Variants in TMEM163 observed in about 807,000 individuals in gnomAD.
TMEM163 encodes transmembrane protein 163.
TMEM163 carries 17 observed loss-of-function variants against 29.3 expected under a neutral mutation model. The observed-to-expected ratio is 0.58, with a 90% CI of 0.40 to 0.87. The LOEUF (loss-of-function observed/expected upper bound fraction) is 0.87, where lower values mean the gene tolerates loss of function less well. Among genes scored for constraint, TMEM163 ranks in the 40% least tolerant of loss-of-function variants. The probability of loss-of-function intolerance (pLI) is 0.00; values close to 1 mark genes in which losing one functional copy is unlikely to be tolerated. For missense variants in TMEM163, 303 were observed against 381.5 expected, an observed-to-expected ratio of 0.79 and a Z score of 1.71; for synonymous variants, 157 against 160.6, an observed-to-expected ratio of 0.98 and a Z score of 0.17.
At chr2:134,517,417 A>C (rs781428664) in intron 4 of TMEM163, among the ~76,000 whole-genome samples, 8 of 152,228 alleles carry the variant, frequency 5.3e-5, no homozygotes, top group Non-Finnish European at 7.3e-5. Flanking sequence ...TGAGCTACCC[A>C]GTGTTATGAA....
At chr2:134,499,770 A>G (rs1243207302) in intron 5 of TMEM163, among the ~76,000 whole-genome samples, 1 of 152,158 alleles carries the variant, frequency 6.6e-6, no homozygotes, top group East Asian at 1.9e-4. Flanking sequence ...CCCATGTAAA[A>G]CGCAGTTCTG....
chr2:134,642,998 A>G (rs1253113169), intron 2 of TMEM163, among the ~76,000 whole-genome samples: 3 of 152,148 alleles, frequency 2.0e-5, no homozygotes, highest in East Asian at 1.9e-4. Context: ...AAGCAGAGAA[A>G]TAATAAAGAG....
chr2:134,489,513 G>T (rs1294001164), intron 5 of TMEM163, among the ~76,000 whole-genome samples: 1 of 150,894 alleles, frequency 6.6e-6, no homozygotes, highest in African/African-American at 2.4e-5. Context: ...GGAGGCAGAG[G>T]TTACAGTGAG....
chr2:134,561,586 C>A (rs566608649), intron 2 of TMEM163, among the ~76,000 whole-genome samples: 1 of 152,136 alleles, frequency 6.6e-6, no homozygotes, highest in East Asian at 1.9e-4. Flanking sequence ...CCTGACCTCG[C>A]GATCCGCCTG....
intron 4 of TMEM163, among the ~76,000 whole-genome samples, chr2:134,547,833 C>A (rs1443082500): frequency 6.6e-6 from 1 of 152,140 alleles, no homozygotes; most frequent in Non-Finnish European, 1.5e-5. Context: ...AAAACAGTAA[C>A]CTGTTTGGGG....
intron 2 of TMEM163, among the ~76,000 whole-genome samples, chr2:134,559,153 G>A (rs1681112031): frequency 6.6e-6 from 1 of 152,132 alleles, no homozygotes; most frequent in South Asian, 2.1e-4. Context: ...TGGTGCCAAT[G>A]CTACGTTCAG....
At chr2:134,531,842 T>C (rs1347191784) in intron 4 of TMEM163, among the ~76,000 whole-genome samples, 1 of 152,098 alleles carries the variant, frequency 6.6e-6, no homozygotes, top group Non-Finnish European at 1.5e-5. Context: ...TAACTTTCAG[T>C]CCCTCTCTCC....
intron 2 of TMEM163, among the ~76,000 whole-genome samples, chr2:134,628,718 T>C (rs1473623540): frequency 1.3e-5 from 2 of 152,238 alleles, no homozygotes; most frequent in Non-Finnish European, 2.9e-5. Context: ...TTGCACCTGG[T>C]TTCTCTTGAC....
At chr2:134,693,608 CAAAAA>C (rs35183610) in intron 2 of TMEM163, among the ~76,000 whole-genome samples, 4 of 66,652 alleles carry the variant, frequency 6.0e-5, no homozygotes, top group African/African-American at 1.5e-4. Context: ...AAAACTACAT[CAAAAA>C]AAAAAAAAAA....
chr2:134,506,660 C>G (rs544465349), intron 4 of TMEM163, among the ~76,000 whole-genome samples: 1 of 152,322 alleles, frequency 6.6e-6, no homozygotes, highest in Admixed American at 6.5e-5. Flanking sequence ...TCCAGCCACA[C>G]GAAAGCTCTG....
intron 2 of TMEM163, among the ~76,000 whole-genome samples, chr2:134,582,326 T>C (rs1192603983): frequency 2.0e-5 from 3 of 152,200 alleles, no homozygotes; most frequent in African/African-American, 7.2e-5. Flanking sequence ...GTGCACCTAA[T>C]AGCAATAACT....
intron 5 of TMEM163, among the ~76,000 whole-genome samples, chr2:134,494,098 C>A (rs1041369116): frequency 3.3e-5 from 5 of 152,168 alleles, no homozygotes; most frequent in African/African-American, 1.2e-4. Flanking sequence ...TGCCAACCCC[C>A]GCCACACACA....
chr2:134,659,411 G>A (rs891329909), intron 2 of TMEM163, among the ~76,000 whole-genome samples: 18 of 152,172 alleles, frequency 1.2e-4, no homozygotes, highest in African/African-American at 1.9e-4. Flanking sequence ...AGCACAGACC[G>A]TAGAGGGGCC....
Position 134,460,610 on chromosome 2 carries a change from CT to C in TMEM163, c.668-2438del, listed in dbSNP as rs1269618233. On this transcript the variant is annotated intron_variant, in intron 6 of 7. Transcript: ENST00000281924. This position sits in a 1 kb window ranked among gnomAD's most constrained non-coding sequence, Gnocchi z 4.3. The stretch of plus-strand genomic sequence containing the variant: ...CATGGGCCCAGCCTGAGCGCCACCC[CT>C]GCCTGGCTCCCGCAGACAGTCACCC... 3.9e-5 allele frequency among the ~76,000 whole-genome samples: 6 copies of C among 152,288 alleles called. 1 individual carries two copies. Among genetic ancestry groups the C allele is most frequent in the African/African-American group, 1.4e-4 (6 of 41,550 alleles).
At chr2:134,705,602 C>A (rs928860091) in intron 2 of TMEM163, among the ~76,000 whole-genome samples, 2 of 152,172 alleles carry the variant, frequency 1.3e-5, no homozygotes, top group African/African-American at 2.4e-5. Context: ...CTTCCTACCC[C>A]GGCTTCCTCT....
chr2:134,496,400 G>T (rs1679561756), intron 5 of TMEM163, among the ~76,000 whole-genome samples: 1 of 152,144 alleles, frequency 6.6e-6, no homozygotes, highest in Admixed American at 6.5e-5. Flanking sequence ...TCTATTTCCA[G>T]TTTTGCTCAG....
chr2:134,561,357 C>T (rs551080764), intron 2 of TMEM163, among the ~76,000 whole-genome samples: 3 of 151,042 alleles, frequency 2.0e-5, no homozygotes, highest in African/African-American at 7.4e-5. Flanking sequence ...GCACCCACCA[C>T]CACACCCGGC....
intron 2 of TMEM163, among the ~76,000 whole-genome samples, chr2:134,621,367 T>C (rs1232132114): frequency 6.6e-6 from 1 of 152,228 alleles, no homozygotes; most frequent in African/African-American, 2.4e-5. Context: ...GCTTATACGA[T>C]GCTGATGGGA....
intron 2 of TMEM163, among the ~76,000 whole-genome samples, chr2:134,571,548 A>T (rs113959795): frequency 0.011 from 1,746 of 152,346 alleles, 32 homozygotes; most frequent in African/African-American, 0.041. Flanking sequence ...GGGGTCCCCA[A>T]GACTAATCCT....
Sources: allele counts gnomAD v4.1 joint callset (sites outside exome capture counted in the v4.1 genomes callset), GRCh38; gene constraint gnomAD v4.1.1; non-coding constraint Gnocchi (gnomAD v3.1); transcripts MANE v1.5; gene names NCBI Gene and HGNC (gene_info 2026-07-23, HGNC 2026-07-21).